PRMT3: variants seen among roughly 807,000 people sequenced by gnomAD.
PRMT3 encodes the protein protein arginine N-methyltransferase 3.
A neutral mutation model predicts 71.9 loss-of-function variants in PRMT3; 62 were observed. The ratio of observed to expected loss-of-function variants is 0.86; its 90% CI spans 0.70 to 1.07. The LOEUF is 1.07. Ranked by LOEUF, PRMT3 falls within the 50% of genes least tolerant of loss-of-function variation. The pLI, the probability that PRMT3 is intolerant of heterozygous loss-of-function variation, is 0.00. For missense variants in PRMT3, 663 were observed against 643.0 expected, an observed-to-expected ratio of 1.03 and a Z score of -0.34; for synonymous variants, 213 against 220.4, an observed-to-expected ratio of 0.97 and a Z score of 0.30.
Position 20,426,650 on chromosome 11 carries a change from G to A in PRMT3, c.894-116G>A, listed in dbSNP as rs1295494045. On this transcript the variant is annotated intron_variant, in intron 9 of 15. Transcript: ENST00000331079. ...AATGTCCAAAGAACAACTAAGCTTT[G>A]ATTGAAATACTTTTTTGTCCCACAA... 4.6e-6 allele frequency: 5 copies of A among 1,087,456 alleles called. 1 individual carries two copies. The Admixed American group carries it at 1.8e-4, about 38-fold the overall frequency. The allele number at this position is 1,087,456 out of a possible 1,614,324, so 67.4% of individuals were successfully genotyped here. A position where few individuals can be genotyped will look rare whatever the true frequency, so the allele number is the denominator to read the frequency against.
chr11:20,466,110 T>TAA (rs1850505587), intron 13 of PRMT3, among the ~76,000 whole-genome samples: 2 of 152,374 alleles, frequency 1.3e-5, no homozygotes, highest in South Asian at 4.1e-4. Flanking sequence ...TAGAAAAGTT[T>TAA]ATTGACTTTC....
At chr11:20,393,184 C>T (rs1263257886) in intron 5 of PRMT3, among the ~76,000 whole-genome samples, 185 bp downstream of exon 5, 1 of 152,212 alleles carries the variant, frequency 6.6e-6, no homozygotes, top group Non-Finnish European at 1.5e-5. Flanking sequence ...TGTGGCGGCT[C>T]ACGCCTGTAA....
In PRMT3 at chr11:20,456,797, G is replaced by A. The variant is rs572863446; in HGVS notation, c.1072+4589G>A. Among the ~76,000 whole-genome samples the A allele has an allele frequency of 7.0e-4, 106 of 152,216 alleles. No homozygotes were observed. In the Middle Eastern group the frequency reaches 0.01, roughly 15 times the overall value. ...TATCAATTTGGAATTGGATAAATTT[G>A]GAATTGGAATGATCAGCATTTTAAT... On this transcript the variant is annotated intron_variant, in intron 11 of 15. Coordinates refer to ENST00000331079, the MANE Select transcript of PRMT3 (RefSeq NM_005788.4).
chr11:20,468,106 A>G (rs1850555508), intron 13 of PRMT3, among the ~76,000 whole-genome samples: 1 of 152,200 alleles, frequency 6.6e-6, no homozygotes, highest in Admixed American at 6.5e-5. Flanking sequence ...GAAGATATTG[A>G]AAGTTTTTGA....
intron 13 of PRMT3, among the ~76,000 whole-genome samples, chr11:20,491,076 A>G (rs1034770949): frequency 2.6e-5 from 4 of 152,086 alleles, no homozygotes; most frequent in Non-Finnish European, 5.9e-5. Flanking sequence ...TTCAAATTGG[A>G]TAATTTCTAT....
At chr11:20,401,415 AGAT>A (rs1382933491) in intron 7 of PRMT3, among the ~76,000 whole-genome samples, 1 of 152,204 alleles carries the variant, frequency 6.6e-6, no homozygotes, top group Non-Finnish European at 1.5e-5. Context: ...CTTCAGGAGA[AGAT>A]TTAATAATTT....
chr11:20,454,417 A>G (rs540328370), intron 11 of PRMT3, among the ~76,000 whole-genome samples: 129 of 152,298 alleles, frequency 8.5e-4, no homozygotes, highest in African/African-American at 2.9e-3. Context: ...ATTTCTTATC[A>G]TCAGAGGGAT....
chr11:20,457,565 C>T (rs1196328165), intron 11 of PRMT3, among the ~76,000 whole-genome samples: 1 of 152,174 alleles, frequency 6.6e-6, no homozygotes, highest in Non-Finnish European at 1.5e-5. Context: ...AAATGAGGTG[C>T]TTGACACAAA....
chr11:20,507,276 T>C (rs1851613229), intron 15 of PRMT3, among the ~76,000 whole-genome samples: 1 of 152,200 alleles, frequency 6.6e-6, no homozygotes, highest in Non-Finnish European at 1.5e-5. Context: ...TAATTGTTAG[T>C]ATAGCTTTTT....
At chr11:20,430,134 A>G (rs1015406375) in intron 10 of PRMT3, among the ~76,000 whole-genome samples, 2 of 152,038 alleles carry the variant, frequency 1.3e-5, no homozygotes, top group African/African-American at 4.8e-5. Context: ...AATTGCACAG[A>G]CTCCTGTCTT....
At chr11:20,499,530 G>T (rs1851409419) in intron 15 of PRMT3, among the ~76,000 whole-genome samples, 1 of 152,158 alleles carries the variant, frequency 6.6e-6, no homozygotes, top group South Asian at 2.1e-4. Flanking sequence ...AGGAGGCTGA[G>T]GCAGGAGGAT....
At chr11:20,499,931 A>T (rs1473467624) in intron 15 of PRMT3, among the ~76,000 whole-genome samples, 1 of 152,208 alleles carries the variant, frequency 6.6e-6, no homozygotes, top group African/African-American at 2.4e-5. Context: ...ACCAGAGTAT[A>T]TGGAGCAGCC....
At chr11:20,451,930 T>C (rs919651248) in intron 10 of PRMT3, among the ~76,000 whole-genome samples, 200 bp from the exon 11 acceptor site, 1 of 152,174 alleles carries the variant, frequency 6.6e-6, no homozygotes, top group African/African-American at 2.4e-5. Flanking sequence ...CAATAAACTT[T>C]CTGGGTTCAC....
At chr11:20,472,607 A>C (rs1015468089) in intron 13 of PRMT3, among the ~76,000 whole-genome samples, 5 of 152,106 alleles carry the variant, frequency 3.3e-5, no homozygotes, top group Admixed American at 6.6e-5. Flanking sequence ...ATTGATGTTC[A>C]TCAAGGATAT....
intron 15 of PRMT3, among the ~76,000 whole-genome samples, chr11:20,502,174 C>A (rs1284865453): frequency 6.6e-6 from 1 of 152,178 alleles, no homozygotes; most frequent in Non-Finnish European, 1.5e-5. Flanking sequence ...CCAGAGTGTT[C>A]CTTCCAGCTC....
intron 8 of PRMT3, chr11:20,406,451 AC>A (rs1849072976): frequency 6.6e-6 from 1 of 152,188 alleles, no homozygotes; most frequent in Non-Finnish European, 1.5e-5. Context: ...TCAAGATTTG[AC>A]CTTGTTACAG....
chr11:20,493,411 T>C (rs1360984779), intron 13 of PRMT3, among the ~76,000 whole-genome samples: 2 of 152,258 alleles, frequency 1.3e-5, no homozygotes, highest in African/African-American at 4.8e-5. Flanking sequence ...CTCAGAACTC[T>C]GGCTTGAAGC....
chr11:20,433,262 G>A (rs1273331806), intron 10 of PRMT3, among the ~76,000 whole-genome samples: 1 of 152,000 alleles, frequency 6.6e-6, no homozygotes, highest in Non-Finnish European at 1.5e-5. Flanking sequence ...GTATTCGTGA[G>A]TTCTCATCAT....
Position 20,402,914 on chromosome 11 carries a change from C to T in PRMT3, c.706-5C>T. 1 of 1,605,358 alleles carries T rather than the reference C, an allele frequency of 6.2e-7. No individual in the cohort carries two copies. The highest frequency in any genetic ancestry group is 1.7e-4 in the Middle Eastern group (1 of 6,050). On this transcript the variant is annotated splice_polypyrimidine_tract_variant and splice_region_variant and intron_variant, in intron 7 of 15. Coordinates refer to ENST00000331079, the MANE Select transcript of PRMT3 (RefSeq NM_005788.4). The stretch of plus-strand genomic sequence containing the variant: ...AAACACAGCGTTTTCCTCTCTCCAC[C>T]CTAGGACAAAATACGAACAGAAAGC...
Sources: allele counts gnomAD v4.1 joint callset (sites outside exome capture counted in the v4.1 genomes callset), GRCh38; gene constraint gnomAD v4.1.1; transcripts MANE v1.5; gene names NCBI Gene and HGNC (gene_info 2026-07-23, HGNC 2026-07-21).